ULK2: variants seen among roughly 807,000 people sequenced by gnomAD.
The protein encoded by ULK2 is unc-51 like autophagy activating kinase 2.
Under a neutral mutation model 127.5 loss-of-function variants are expected in ULK2, and 76 were observed. The ratio of observed to expected loss-of-function variants is 0.60; its 90% CI spans 0.50 to 0.72. The LOEUF is 0.72. Ranked by LOEUF, ULK2 falls within the 30% of genes least tolerant of loss-of-function variation. The probability of loss-of-function intolerance (pLI) is 0.00; values close to 1 mark genes in which losing one functional copy is unlikely to be tolerated. For missense variants in ULK2, 1,144 were observed against 1,295.9 expected, an observed-to-expected ratio of 0.88 and a Z score of 1.80; for synonymous variants, 452 against 461.9, an observed-to-expected ratio of 0.98 and a Z score of 0.28.
chr17:19,799,664 T>C, intron 16 of ULK2, 89 bp from the exon 17 acceptor site: 8 of 1,292,752 alleles, frequency 6.2e-6, no homozygotes, highest in Non-Finnish European at 8.2e-6. Flanking sequence ...CATGCACAAA[T>C]TGCACAGTAA....
Position 19,810,358 on chromosome 17 carries a change from G to T in ULK2, c.1157+20C>A. ...TAAAATATAAAACAAATTTTAATAA[G>T]ATAATGTAAATATACATACCCTCCA... On this transcript the variant is annotated intron_variant, in intron 14 of 26. Transcript: ENST00000395544. The T allele has an allele frequency of 1.3e-6, 2 of 1,521,044 alleles. No individual in the cohort carries two copies. Among genetic ancestry groups the T allele is most frequent in the Non-Finnish European group, 1.8e-6 (2 of 1,113,672 alleles). 94.2% of individuals were successfully genotyped at this position (1,521,044 alleles called of 1,614,324 possible).
At chr17:19,826,834 G>C (rs1597776587) in intron 10 of ULK2, among the ~76,000 whole-genome samples, 1 of 152,094 alleles carries the variant, frequency 6.6e-6, no homozygotes, top group African/African-American at 2.4e-5. Context: ...GCCGGCGCCT[G>C]TAGTCCCAGC....
At chr17:19,856,666 T>C (rs900882347) in intron 3 of ULK2, among the ~76,000 whole-genome samples, 30 of 151,266 alleles carry the variant, frequency 2.0e-4, no homozygotes, top group South Asian at 1.7e-3. Context: ...GTTCATTGTA[T>C]TATTTGCTAT....
intron 22 of ULK2, 63 bp from the exon 23 acceptor site, chr17:19,782,130 G>A: frequency 1.3e-6 from 2 of 1,490,228 alleles, no homozygotes; most frequent in Non-Finnish European, 1.8e-6. Context: ...ACTCATTTCT[G>A]TACATAAACC....
At chr17:19,782,148 C>T in intron 22 of ULK2, 81 bp from the exon 23 acceptor site, 1 of 1,359,936 alleles carries the variant, frequency 7.4e-7, no homozygotes. Context: ...ACCATGGCCG[C>T]TGATCATGTT....
intron 3 of ULK2, among the ~76,000 whole-genome samples, chr17:19,850,394 T>C (rs2041987173): frequency 6.6e-6 from 1 of 152,208 alleles, no homozygotes; most frequent in Admixed American, 6.5e-5. Context: ...CAAATCCATA[T>C]AGCTCCAGGT....
chr17:19,791,057 G>GA (rs1012279975), intron 20 of ULK2, among the ~76,000 whole-genome samples: 10 of 152,162 alleles, frequency 6.6e-5, no homozygotes, highest in Non-Finnish European at 1.3e-4. Flanking sequence ...ACAATAGCTG[G>GA]AAACTTCAAC....
chr17:19,823,861 A>C lies in ULK2; in HGVS notation c.924+1233T>G, dbSNP rs1469730665. ...TATGAATTTGCGGGGCTGTGTAAGAAAGGTTTGCTGCCAGTTTTGAGACTT... is the reference window on the plus strand; with the variant it reads ...TATGAATTTGCGGGGCTGTGTAAGACAGGTTTGCTGCCAGTTTTGAGACTT... On this transcript the variant is annotated intron_variant, in intron 12 of 26. Coordinates refer to ENST00000395544, the MANE Select transcript of ULK2 (RefSeq NM_014683.4). Among the ~76,000 whole-genome samples the C allele has an allele frequency of 2.0e-5, 3 of 152,318 alleles. No individual in the cohort carries two copies. The East Asian group carries it at 5.8e-4, about 29-fold the overall frequency.
At chr17:19,829,401 T>C (rs2041374876) in intron 10 of ULK2, among the ~76,000 whole-genome samples, 1 of 151,724 alleles carries the variant, frequency 6.6e-6, no homozygotes, top group Admixed American at 6.6e-5. Context: ...CCAGGTGTGG[T>C]AGCTTTGCAC....
intron 1 of ULK2, among the ~76,000 whole-genome samples, chr17:19,866,310 GC>G (rs1276149806): frequency 6.6e-6 from 1 of 151,452 alleles, no homozygotes; most frequent in Non-Finnish European, 1.5e-5. Flanking sequence ...GACCACACTG[GC>G]CAACGTGGTG....
At chr17:19,816,413 C>G (rs1016007285) in intron 13 of ULK2, 5 of 163,576 alleles carry the variant, frequency 3.1e-5, no homozygotes, top group African/African-American at 7.2e-5. Flanking sequence ...ACTCTTTTGA[C>G]TCAGGTTTTT....
intron 13 of ULK2, among the ~76,000 whole-genome samples, chr17:19,814,417 T>TATACATATATATATATATATATAC (rs1567696352): frequency 5.1e-5 from 1 of 19,460 alleles, no homozygotes; most frequent in Admixed American, 6.3e-4. Flanking sequence ...TATACATATA[T>TATACATATATATATATATATATAC]ATATATATAT....
At chr17:19,845,277 C>T in intron 7 of ULK2, 27 bp downstream of exon 7, 2 of 1,593,256 alleles carry the variant, frequency 1.3e-6, no homozygotes, top group Non-Finnish European at 1.7e-6. Flanking sequence ...ATGCTTTAAA[C>T]ACACAAGGAT....
Position 19,776,321 on chromosome 17 carries a change from C to T in ULK2, c.*28G>A, listed in dbSNP as rs1189504589. 6.3e-7 allele frequency: 1 copy of T among 1,583,984 alleles called. No homozygotes were observed. The highest frequency in any genetic ancestry group is 8.6e-7 in the Non-Finnish European group (1 of 1,166,378). ...CCAAAGGCATCACCTCACGTTCCCA[C>T]CACCGGTCCACGGGATGAGCCTGCT... On this transcript the variant is annotated 3_prime_UTR_variant, in exon 27 of 27. Transcript: ENST00000395544.
At chr17:19,790,325 G>A (rs959621802) in intron 20 of ULK2, among the ~76,000 whole-genome samples, 1 of 152,212 alleles carries the variant, frequency 6.6e-6, no homozygotes, top group African/African-American at 2.4e-5. Context: ...GCTGAGGCAG[G>A]ATAATCGCTT....
chr17:19,852,368 A>G (rs370759973), intron 3 of ULK2, among the ~76,000 whole-genome samples: 1 of 149,390 alleles, frequency 6.7e-6, no homozygotes, highest in Non-Finnish European at 1.5e-5. Context: ...AAAAATACAA[A>G]AAGTTAGCTG....
chr17:19,823,219 C>A (rs1223853930), intron 12 of ULK2, among the ~76,000 whole-genome samples: 1 of 148,694 alleles, frequency 6.7e-6, no homozygotes, highest in African/African-American at 2.5e-5. Context: ...ATTCCTGCCT[C>A]AGAAAAAATA....
rs201520076 is a variant in ULK2 at position 19,783,755 on chromosome 17, C to G, written c.2402G>C (p.Ser801Thr). The change falls in exon 22 of 27, where the codon AGC becomes ACC. Residue 801 changes from serine to threonine, a missense_variant. Ser to Thr is a moderately conservative substitution (Grantham distance 58). Coordinates refer to ENST00000395544, the MANE Select transcript of ULK2 (RefSeq NM_014683.4). ...RYVPYGASPP[S>T]LEGLITFEAP... ...TTCAAAGGTGATGAGCCCCTCTAGGCTGGGGGGTGAAGCACCGTAAGGCAC... is the reference window on the plus strand; with the variant it reads ...TTCAAAGGTGATGAGCCCCTCTAGGGTGGGGGGTGAAGCACCGTAAGGCAC... The G allele has an allele frequency of 5.0e-6, 8 of 1,600,552 alleles. No homozygotes were observed. The Admixed American group carries it at 1.0e-4, about 21-fold the overall frequency.
chr17:19,793,122 A>C (rs2087192390), intron 20 of ULK2, among the ~76,000 whole-genome samples: 1 of 152,204 alleles, frequency 6.6e-6, no homozygotes, highest in African/African-American at 2.4e-5. Flanking sequence ...TGGAAGGCAA[A>C]GGGGAAGCAA....
Sources: gnomAD v4.1 joint callset for allele counts (sites outside exome capture counted in the v4.1 genomes callset) on GRCh38, gnomAD v4.1.1 for gene constraint, MANE v1.5 for transcripts, NCBI Gene and HGNC (gene_info 2026-07-23, HGNC 2026-07-21) for gene names.